ULK2: variants seen among roughly 807,000 people sequenced by gnomAD.
The protein encoded by ULK2 is unc-51 like autophagy activating kinase 2.
ULK2 carries 76 observed loss-of-function variants against 127.5 expected under a neutral mutation model. The observed-to-expected ratio is 0.60, with a 90% CI of 0.50 to 0.72. The LOEUF is 0.72. Among genes scored for constraint, ULK2 ranks in the 30% least tolerant of loss-of-function variants. The pLI is 0.00. For missense variants in ULK2, 1,144 were observed against 1,295.9 expected, an observed-to-expected ratio of 0.88 and a Z score of 1.80; for synonymous variants, 452 against 461.9, an observed-to-expected ratio of 0.98 and a Z score of 0.28.
At chr17:19,851,856 G>T (rs1454684400) in intron 3 of ULK2, among the ~76,000 whole-genome samples, 1 of 151,678 alleles carries the variant, frequency 6.6e-6, no homozygotes, top group African/African-American at 2.4e-5. Flanking sequence ...GACTAGCCTG[G>T]CCAATATGGT....
At chr17:19,783,600 A>T (rs2086964922) in intron 22 of ULK2, 97 bp downstream of exon 22, 2 of 1,222,950 alleles carry the variant, frequency 1.6e-6, no homozygotes, top group Admixed American at 6.1e-5. Context: ...AGAGAACATA[A>T]CTTCCTAACT....
intron 22 of ULK2, among the ~76,000 whole-genome samples, chr17:19,782,638 G>A (rs751945252): frequency 2.0e-5 from 3 of 152,176 alleles, no homozygotes; most frequent in Admixed American, 6.5e-5. Context: ...ATTCTAGGCC[G>A]GGCATGGTGG....
chr17:19,814,340 G>A (rs2040913511), intron 13 of ULK2, among the ~76,000 whole-genome samples: 1 of 144,324 alleles, frequency 6.9e-6, no homozygotes, highest in Admixed American at 7.0e-5. Context: ...ATATTATAAA[G>A]TTGTAGATAT....
chr17:19,841,648 G>T, intron 8 of ULK2, 101 bp from the exon 9 acceptor site: 2 of 880,106 alleles, frequency 2.3e-6, no homozygotes, highest in South Asian at 3.7e-5. Flanking sequence ...GATTGAGGGA[G>T]TGGGAGTTTC....
intron 15 of ULK2, among the ~76,000 whole-genome samples, chr17:19,802,348 T>C (rs1405108506): frequency 6.6e-6 from 1 of 152,248 alleles, no homozygotes; most frequent in Non-Finnish European, 1.5e-5. Context: ...TTATGTAATT[T>C]ATATCTATTG....
intron 16 of ULK2, among the ~76,000 whole-genome samples, chr17:19,800,815 C>T (rs1414094874): frequency 1.3e-5 from 2 of 152,146 alleles, no homozygotes; most frequent in Non-Finnish European, 2.9e-5. Context: ...TTCTTCCCAC[C>T]ACCTCAGTGC....
In ULK2 at chr17:19,841,478, T is replaced by A; in HGVS notation, c.704+11A>T. On this transcript the variant is annotated intron_variant, in intron 9 of 26. Coordinates refer to ENST00000395544, the MANE Select transcript of ULK2 (RefSeq NM_014683.4). ...ACAAATAGTAAAACCCAGTGTAATC[T>A]AAACACATACCTAGGCATTAAGCTC... 2 of 1,589,360 alleles carry A rather than the reference T, an allele frequency of 1.3e-6. No individual in the cohort carries two copies. The highest frequency in any genetic ancestry group is 1.7e-6 in the Non-Finnish European group (2 of 1,173,034).
intron 5 of ULK2, 60 bp downstream of exon 5, chr17:19,849,309 T>C: frequency 6.8e-7 from 1 of 1,471,300 alleles, no homozygotes; most frequent in Non-Finnish European, 9.4e-7. Flanking sequence ...CAAGTACCTC[T>C]TAGGATTAAA....
rs1362763102 is a variant in ULK2 at position 19,833,388 on chromosome 17, G to A, written c.787+5113C>T. Among the ~76,000 whole-genome samples, 6 of 150,348 alleles carry A rather than the reference G, an allele frequency of 4.0e-5. 1 individual carries two copies. Among genetic ancestry groups the A allele is most frequent in the Non-Finnish European group, 8.9e-5 (6 of 67,738 alleles). On this transcript the variant is annotated intron_variant, in intron 10 of 26. Coordinates refer to ENST00000395544, the MANE Select transcript of ULK2 (RefSeq NM_014683.4). ...ACAAATTTTTTTTTTTTGAGACAGAGTCTCGCTCTGTCGCCCATTTTTAAA... is the reference window on the plus strand; with the variant it reads ...ACAAATTTTTTTTTTTTGAGACAGAATCTCGCTCTGTCGCCCATTTTTAAA...
intron 20 of ULK2, among the ~76,000 whole-genome samples, chr17:19,790,846 GAGC>G (rs1377550775): frequency 6.6e-6 from 1 of 152,204 alleles, no homozygotes; most frequent in Non-Finnish European, 1.5e-5. Flanking sequence ...AACTAAAAAA[GAGC>G]AGGAGTAGCT....
At chr17:19,782,504 G>A (rs150477258) in intron 22 of ULK2, among the ~76,000 whole-genome samples, 43 of 152,282 alleles carry the variant, frequency 2.8e-4, no homozygotes, top group African/African-American at 9.4e-4. Flanking sequence ...ATTTCTGGTC[G>A]TTTTTCAGTT....
At chr17:19,842,310 G>A (rs546660824) in intron 8 of ULK2, among the ~76,000 whole-genome samples, 2 of 146,032 alleles carry the variant, frequency 1.4e-5, no homozygotes, top group East Asian at 4.1e-4. Context: ...CGATTCTCCT[G>A]CCTCAGCCTC....
intron 22 of ULK2, 117 bp downstream of exon 22, chr17:19,783,580 G>T: frequency 9.5e-7 from 1 of 1,050,348 alleles, no homozygotes; most frequent in Non-Finnish European, 1.3e-6. Context: ...AAACAGAAAA[G>T]GCACGTTAAA....
intron 3 of ULK2, among the ~76,000 whole-genome samples, chr17:19,850,254 T>G (rs2041983628): frequency 6.6e-6 from 1 of 152,210 alleles, no homozygotes; most frequent in Non-Finnish European, 1.5e-5. Flanking sequence ...TTTTTGTTTT[T>G]CTGTTTTTTA....
chr17:19,810,503 T>C, intron 13 of ULK2, 65 bp from the exon 14 acceptor site: 1 of 1,012,578 alleles, frequency 9.9e-7, no homozygotes, highest in Admixed American at 2.3e-5. Context: ...ACAAATTTGT[T>C]CCAAAATGAT....
At chr17:19,845,514 C>CAAAAAAAA in intron 6 of ULK2, 137 bp from the exon 7 acceptor site, 2 of 581,010 alleles carry the variant, frequency 3.4e-6, no homozygotes, top group Admixed American at 3.2e-5. Context: ...GACTGTCCAC[C>CAAAAAAAA]AAAAAAAAAG....
intron 10 of ULK2, among the ~76,000 whole-genome samples, chr17:19,834,086 A>C (rs1252167135): frequency 6.6e-6 from 1 of 152,170 alleles, no homozygotes; most frequent in Non-Finnish European, 1.5e-5. Flanking sequence ...CTCATCACCT[A>C]CTAGGGAAAC....
At chr17:19,780,762 G>A (rs886615074) in intron 24 of ULK2, 133 bp from the exon 25 acceptor site, 4 of 1,109,646 alleles carry the variant, frequency 3.6e-6, no homozygotes, top group Non-Finnish European at 5.0e-6. Context: ...CCAGAAATAG[G>A]ATTTTTTCAT....
intron 10 of ULK2, among the ~76,000 whole-genome samples, chr17:19,830,403 T>C (rs1390099990): frequency 6.6e-6 from 1 of 152,066 alleles, no homozygotes; most frequent in Non-Finnish European, 1.5e-5. Context: ...GTTCTCACTA[T>C]GTTGCCCTGG....
Sources: gnomAD v4.1 joint callset for allele counts (sites outside exome capture counted in the v4.1 genomes callset) on GRCh38, gnomAD v4.1.1 for gene constraint, MANE v1.5 for transcripts, NCBI Gene and HGNC (gene_info 2026-07-23, HGNC 2026-07-21) for gene names.